Variants in CUX2 observed in about 807,000 individuals in gnomAD.
The protein encoded by CUX2 is homeobox protein cut-like 2.
In CUX2, 40 loss-of-function variants were observed where a neutral mutation model predicts 144.8. That is an observed-to-expected ratio of 0.28 (90% CI 0.21 to 0.36). The LOEUF (loss-of-function observed/expected upper bound fraction) is 0.36, where lower values mean the gene tolerates loss of function less well. Ranked by LOEUF, CUX2 falls within the 10% of genes least tolerant of loss-of-function variation. The pLI is 1.00. For missense variants in CUX2, 1,615 were observed against 1,994.0 expected (o/e 0.81, Z 3.62); for synonymous variants, 827 against 875.6 (o/e 0.94, Z 0.98).
intron 1 of CUX2, among the ~76,000 whole-genome samples, chr12:111,083,421 A>G (rs1336739649): frequency 1.3e-5 from 2 of 152,106 alleles, no homozygotes; most frequent in African/African-American, 2.4e-5. Flanking sequence ...GGTCTATGGG[A>G]CCAAGGACAG....
chr12:111,212,466 G>A (rs1024794427), intron 1 of CUX2, among the ~76,000 whole-genome samples: 12 of 152,176 alleles, frequency 7.9e-5, no homozygotes, highest in African/African-American at 2.9e-4. Flanking sequence ...ACAGCTCACT[G>A]CAGCCTTGAC....
At chr12:111,078,013 G>C (rs1357949901) in intron 1 of CUX2, among the ~76,000 whole-genome samples, 1 of 152,208 alleles carries the variant, frequency 6.6e-6, no homozygotes, top group African/African-American at 2.4e-5. Flanking sequence ...TCTCAGCTCT[G>C]GGGGTACCTG....
chr12:111,325,044 G>C (rs1887707187), intron 18 of CUX2, among the ~76,000 whole-genome samples: 1 of 151,872 alleles, frequency 6.6e-6, no homozygotes, highest in South Asian at 2.1e-4. Context: ...CCAGCACTTT[G>C]GGAGGCTGAG....
intron 4 of CUX2, among the ~76,000 whole-genome samples, chr12:111,290,899 A>G (rs1429057344): frequency 5.1e-5 from 7 of 137,340 alleles, no homozygotes; most frequent in African/African-American, 1.4e-4. Flanking sequence ...GTCTTGCTCT[A>G]TCGCCCAGGC....
chr12:111,103,774 C>T (rs1452110356), intron 1 of CUX2, among the ~76,000 whole-genome samples: 2 of 152,196 alleles, frequency 1.3e-5, no homozygotes, highest in Non-Finnish European at 1.5e-5. Flanking sequence ...AGGTGTCTGC[C>T]TTCAGGCATG....
intron 1 of CUX2, among the ~76,000 whole-genome samples, chr12:111,103,270 A>G (rs1008812380): frequency 2.0e-5 from 3 of 152,212 alleles, no homozygotes; most frequent in African/African-American, 4.8e-5. Context: ...ACGACCTGGC[A>G]GTTTCCCATA....
rs556254970 is a variant in CUX2 at position 111,217,688 on chromosome 12, AC to A, written c.175-198del. 3.2e-3 allele frequency among the ~76,000 whole-genome samples: 492 copies of A among 152,228 alleles called. 2 individuals carry two copies. Among genetic ancestry groups the A allele is most frequent in the Non-Finnish European group, 5.3e-3 (361 of 68,008 alleles). On this transcript the variant is annotated intron_variant, in intron 2 of 21. Transcript: ENST00000261726. ...CTCCAGAAAGTCCTGCAGGAAAGAA[AC>A]CCCTTGGACTTGACGTTTCCCAGTC... is the stretch of plus-strand genomic sequence containing the variant.
chr12:111,140,341 C>G (rs1261041374), intron 1 of CUX2, among the ~76,000 whole-genome samples: 1 of 152,208 alleles, frequency 6.6e-6, no homozygotes, highest in Admixed American at 6.5e-5. Context: ...AGGCAACTCT[C>G]ACTTTCTCAT....
At chr12:111,138,117 C>G (rs1476537662) in intron 1 of CUX2, among the ~76,000 whole-genome samples, 1 of 152,224 alleles carries the variant, frequency 6.6e-6, no homozygotes, top group East Asian at 1.9e-4. Context: ...AGAGGATCTG[C>G]CACTGCCAGG....
chr12:111,101,429 C>T (rs1162580866), intron 1 of CUX2, among the ~76,000 whole-genome samples: 3 of 152,198 alleles, frequency 2.0e-5, no homozygotes, highest in East Asian at 1.9e-4. Flanking sequence ...TGGTGGCTGC[C>T]GGGCTTCTCC....
chr12:111,198,941 C>A (rs2136205443), intron 1 of CUX2, among the ~76,000 whole-genome samples: 1 of 152,322 alleles, frequency 6.6e-6, no homozygotes, highest in Non-Finnish European at 1.5e-5. Context: ...AGTCTGATTT[C>A]AATCTAAGAC....
At chr12:111,099,493 C>T (rs1045417837) in intron 1 of CUX2, 5 of 453,958 alleles carry the variant, frequency 1.1e-5, no homozygotes, top group South Asian at 1.6e-5. Context: ...AGGTGAGACT[C>T]GGGTTTGCAG....
chr12:111,069,520 C>T (rs971051088), intron 1 of CUX2, among the ~76,000 whole-genome samples: 1 of 139,692 alleles, frequency 7.2e-6, no homozygotes. Context: ...AAGCCTTGCT[C>T]TGTGTGTGTG....
intron 1 of CUX2, among the ~76,000 whole-genome samples, chr12:111,185,051 G>A (rs1435865180): frequency 6.6e-6 from 1 of 152,130 alleles, no homozygotes; most frequent in African/African-American, 2.4e-5. Flanking sequence ...GCTACAGAGT[G>A]AGACTCTGTC....
intron 1 of CUX2, among the ~76,000 whole-genome samples, chr12:111,209,609 C>T (rs1264562432): frequency 6.6e-6 from 1 of 152,160 alleles, no homozygotes; most frequent in Non-Finnish European, 1.5e-5. Context: ...TTCCTTCTAG[C>T]TCATATGTTC....
At chr12:111,245,780 T>C (rs1428011470) in intron 3 of CUX2, among the ~76,000 whole-genome samples, 1 of 152,118 alleles carries the variant, frequency 6.6e-6, no homozygotes, top group Non-Finnish European at 1.5e-5. Context: ...AAGTGCCTCC[T>C]GTTTGTGTCC....
intron 4 of CUX2, among the ~76,000 whole-genome samples, chr12:111,281,591 G>T (rs752688280): frequency 6.6e-6 from 1 of 152,240 alleles, no homozygotes; most frequent in East Asian, 1.9e-4. Flanking sequence ...CTCAATAAAC[G>T]GGCTGAGTGA....
At position 111,330,686 on chromosome 12, in the gene CUX2, CATATATATATAT is replaced by C. The variant is rs57018141; in HGVS notation, c.2927-3701_2927-3690del. ...CTATCTCTATTTAAAAATACATATACATATATATATATATATATATATATATATATATATATA... is the reference window on the plus strand; with the variant it reads ...CTATCTCTATTTAAAAATACATATACATATATATATATATATATATATATA... On this transcript the variant is annotated intron_variant, in intron 18 of 21. Transcript: ENST00000261726. Among the ~76,000 whole-genome samples the C allele has an allele frequency of 6.6e-3, 392 of 59,134 alleles. 5 individuals carry two copies. Among genetic ancestry groups the C allele is most frequent in the Admixed American group, 0.011 (49 of 4,468 alleles). 38.8% of individuals were successfully genotyped at this position (59,134 alleles called of 152,430 possible). A position where few individuals can be genotyped will look rare whatever the true frequency, so the allele number is the denominator to read the frequency against.
intron 1 of CUX2, among the ~76,000 whole-genome samples, chr12:111,158,120 A>G (rs185754993): frequency 5.3e-5 from 8 of 152,310 alleles, no homozygotes; most frequent in African/African-American, 1.9e-4. Flanking sequence ...GATGGAACGG[A>G]TAATAGAAAA....
Sources: gnomAD v4.1 joint callset for allele counts (sites outside exome capture counted in the v4.1 genomes callset) on GRCh38, gnomAD v4.1.1 for gene constraint, MANE v1.5 for transcripts, NCBI Gene and HGNC (gene_info 2026-07-23, HGNC 2026-07-21) for gene names.